Variants in DLGAP1 observed in about 807,000 individuals in gnomAD.
DLGAP1 encodes the protein disks large-associated protein 1.
DLGAP1 carries 11 observed loss-of-function variants against 90.8 expected under a neutral mutation model. The observed-to-expected ratio is 0.12, with a 90% CI of 0.08 to 0.20. The LOEUF is 0.20. Ranked by LOEUF, DLGAP1 falls within the 10% of genes least tolerant of loss-of-function variation. DLGAP1 has a pLI of 1.00. For synonymous variants in DLGAP1, 558 were observed against 540.7 expected (o/e 1.03, Z -0.44); for missense variants, 1,050 against 1,333.8 (o/e 0.79, Z 3.31).
chr18:3,675,226 A>G (rs1249298905), intron 7 of DLGAP1, among the ~76,000 whole-genome samples: 2 of 152,000 alleles, frequency 1.3e-5, no homozygotes, highest in Non-Finnish European at 2.9e-5. Flanking sequence ...ATGCTCCACC[A>G]CGCCTGGCTA....
intron 5 of DLGAP1, among the ~76,000 whole-genome samples, chr18:3,772,156 CTT>C (rs1437664593): frequency 4.1e-5 from 5 of 122,554 alleles, no homozygotes; most frequent in African/African-American, 1.8e-4. Context: ...CCTTCCTTCC[CTT>C]TCTTTCTCTC....
intron 3 of DLGAP1, among the ~76,000 whole-genome samples, chr18:3,979,435 A>C (rs2073675575): frequency 9.9e-6 from 1 of 101,234 alleles, no homozygotes; most frequent in African/African-American, 4.0e-5. Context: ...CTAATGATGC[A>C]TTTCTCAGAA....
chr18:4,225,411 G>A (rs1400142749), intron 1 of DLGAP1, among the ~76,000 whole-genome samples: 2 of 151,872 alleles, frequency 1.3e-5, no homozygotes, highest in Non-Finnish European at 2.9e-5. Context: ...ACATCTACAA[G>A]CATCAAGACG....
At chr18:3,772,207 C>CT (rs1050431325) in intron 5 of DLGAP1, among the ~76,000 whole-genome samples, 1 of 2,984 alleles carries the variant, frequency 3.4e-4, no homozygotes, top group Non-Finnish European at 5.2e-4. Context: ...TTCTTCTCTC[C>CT]TTTTCTTTCT....
At chr18:4,127,337 T>C (rs960753513) in intron 2 of DLGAP1, among the ~76,000 whole-genome samples, 1 of 152,218 alleles carries the variant, frequency 6.6e-6, no homozygotes, top group Admixed American at 6.5e-5. Context: ...TGATTTAGTC[T>C]CTTTTTTCCA....
At chr18:4,282,225 A>G (rs927794517) in intron 1 of DLGAP1, among the ~76,000 whole-genome samples, 4 of 151,994 alleles carry the variant, frequency 2.6e-5, no homozygotes, top group African/African-American at 7.2e-5. Context: ...TTAGCCAGGC[A>G]TGGTGGTGGG....
chr18:4,175,025 T>TTAC (rs1250809562), intron 1 of DLGAP1, among the ~76,000 whole-genome samples: 2 of 152,188 alleles, frequency 1.3e-5, no homozygotes, highest in African/African-American at 4.8e-5. Context: ...TTGAACTAAT[T>TTAC]TACTTTCTCA....
At chr18:3,643,988 AAC>A (rs2059032673) in intron 7 of DLGAP1, among the ~76,000 whole-genome samples, 1 of 152,222 alleles carries the variant, frequency 6.6e-6, no homozygotes, top group Admixed American at 6.5e-5. Context: ...TCCTACCAGA[AAC>A]ACACACAAAA....
intron 7 of DLGAP1, among the ~76,000 whole-genome samples, chr18:3,668,826 C>T (rs554016056): frequency 3.6e-4 from 55 of 152,148 alleles, no homozygotes; most frequent in African/African-American, 1.3e-3. Flanking sequence ...GGTGAAACCC[C>T]GTCTCTACTA....
At chr18:4,077,494 G>A (rs563185525) in intron 2 of DLGAP1, among the ~76,000 whole-genome samples, 6 of 152,208 alleles carry the variant, frequency 3.9e-5, no homozygotes, top group East Asian at 1.9e-4. Flanking sequence ...TCCTTGTGGC[G>A]GAGGGCAGGG....
chr18:4,379,002 T>C (rs112787927), intron 1 of DLGAP1, among the ~76,000 whole-genome samples: 137 of 152,224 alleles, frequency 9.0e-4, no homozygotes, highest in African/African-American at 3.2e-3. Flanking sequence ...GTGACCACAG[T>C]TGATAGGACC....
intron 1 of DLGAP1, among the ~76,000 whole-genome samples, chr18:4,218,134 T>C (rs2077996771): frequency 6.6e-6 from 1 of 151,156 alleles, no homozygotes; most frequent in Non-Finnish European, 1.5e-5. Context: ...TTTTTGCATG[T>C]GGACCATTTG....
intron 1 of DLGAP1, among the ~76,000 whole-genome samples, chr18:4,156,809 T>C (rs1311682628): frequency 6.6e-6 from 1 of 152,212 alleles, no homozygotes; most frequent in Non-Finnish European, 1.5e-5. Flanking sequence ...TTAAGAATTT[T>C]TTTTTGAGCA....
intron 2 of DLGAP1, among the ~76,000 whole-genome samples, chr18:4,129,030 T>C (rs898754057): frequency 6.6e-6 from 1 of 152,116 alleles, no homozygotes. Context: ...CAGAAGTTTT[T>C]TTGGTTTGGT....
chr18:4,446,890 T>C (rs921226029), intron 1 of DLGAP1, among the ~76,000 whole-genome samples: 2 of 151,996 alleles, frequency 1.3e-5, no homozygotes, highest in Non-Finnish European at 2.9e-5. Context: ...GAATAAGGAA[T>C]CCACAGCAAC....
At chr18:3,809,456 T>A (rs1281024155) in intron 5 of DLGAP1, among the ~76,000 whole-genome samples, 2 of 152,174 alleles carry the variant, frequency 1.3e-5, no homozygotes, top group African/African-American at 4.8e-5. Context: ...GGATTAACCA[T>A]CCTGAAAATG....
At chr18:3,830,285 G>T (rs1228894327) in intron 4 of DLGAP1, among the ~76,000 whole-genome samples, 1 of 152,150 alleles carries the variant, frequency 6.6e-6, no homozygotes, top group Non-Finnish European at 1.5e-5. Context: ...CAGGAAATTG[G>T]CCAGGCGTGG....
chr18:4,354,887 CAAAAAAAAAAAAAAAAAAAAAAAAAA>C (rs60379984), intron 1 of DLGAP1, among the ~76,000 whole-genome samples: 2 of 23,848 alleles, frequency 8.4e-5, no homozygotes, highest in Admixed American at 8.2e-4. Context: ...TTACTCTCAC[CAAAAAAAAAAAAAAAAAAAAAAAAAA>C]AAAAAAAAAA....
At chr18:4,396,371 T>C (rs1225998287) in intron 1 of DLGAP1, among the ~76,000 whole-genome samples, 1 of 152,082 alleles carries the variant, frequency 6.6e-6, no homozygotes, top group Non-Finnish European at 1.5e-5. Context: ...CAGAAGCAAC[T>C]CTGCAGTAGA....
Sources: gnomAD v4.1 joint callset for allele counts (sites outside exome capture counted in the v4.1 genomes callset) on GRCh38, gnomAD v4.1.1 for gene constraint, MANE v1.5 for transcripts, NCBI Gene and HGNC (gene_info 2026-07-23, HGNC 2026-07-21) for gene names.